PACRGL: variants seen among roughly 807,000 people sequenced by gnomAD.
The protein encoded by PACRGL is parkin coregulated like.
PACRGL carries 38 observed loss-of-function variants against 34.5 expected under a neutral mutation model. The ratio of observed to expected loss-of-function variants is 1.10; its 90% confidence interval spans 0.85 to 1.44. The LOEUF (loss-of-function observed/expected upper bound fraction) is 1.44. PACRGL is among the 40% of genes most tolerant of loss of function. The probability of loss-of-function intolerance (pLI) is 0.00; values close to 1 mark genes in which losing one functional copy is unlikely to be tolerated. For missense variants in PACRGL, 305 were observed against 281.4 expected (o/e 1.08, Z -0.60); for synonymous variants, 128 against 100.1 (o/e 1.28, Z -1.66).
the PACRGL span, among the ~76,000 whole-genome samples, chr4:20,759,298 T>A: frequency 6.6e-6 from 1 of 152,320 alleles, no homozygotes; most frequent in African/African-American, 2.4e-5. Flanking sequence ...AATCTTCGAT[T>A]CAATGGCAGA....
At position 20,729,515 on chromosome 4, in the gene PACRGL, A is replaced by G. The variant is rs1034508159; in HGVS notation, c.*2174A>G. The G allele has an allele frequency of 8.1e-6, 1 of 123,256 alleles. No individual in the cohort carries two copies. Among genetic ancestry groups the G allele is most frequent in the Non-Finnish European group, 1.9e-5 (1 of 53,660 alleles). 7.6% of individuals were successfully genotyped at this position (123,256 alleles called of 1,614,324 possible). ...TAATTTTTAAATGTTTAAAAATGCC[A>G]GATAAAACTAATTTCTAACAGAAGG... On this transcript the variant is annotated 3_prime_UTR_variant, in exon 9 of 9. Coordinates refer to ENST00000503585, the MANE Select transcript of PACRGL (RefSeq NM_001258345.3).
Position 20,718,170 on chromosome 4 carries a change from C to T in PACRGL, c.609+4631C>T, listed in dbSNP as rs945117287. Among the ~76,000 whole-genome samples, 7 of 152,236 alleles carry T rather than the reference C, an allele frequency of 4.6e-5. No individual in the cohort carries two copies. The South Asian group carries it at 6.2e-4, about 14-fold the overall frequency. ...TGTATAAGAATGCTTGTGATTTTTG[C>T]ACATTGATTTTGTATCCTGAGACTT... On this transcript the variant is annotated intron_variant, in intron 7 of 8. Transcript: ENST00000503585.
rs1398207692 is a variant in PACRGL at position 20,732,082 on chromosome 4, A to C, written c.*4741A>C. ...TTTGTCCATTTTCTGTTCAGGAAGA[A>C]AACAAAAATTGTATTTAGACTTATC... On this transcript the variant is annotated 3_prime_UTR_variant, in exon 9 of 9. Coordinates refer to ENST00000503585, the MANE Select transcript of PACRGL (RefSeq NM_001258345.3). The C allele has an allele frequency of 6.4e-7, 1 of 1,551,440 alleles. No individual in the cohort carries two copies. The highest frequency in any genetic ancestry group is 8.7e-7 in the Non-Finnish European group (1 of 1,144,330).
At chr4:20,708,616 C>T (rs1450627382) in intron 4 of PACRGL, among the ~76,000 whole-genome samples, 1 of 152,056 alleles carries the variant, frequency 6.6e-6, no homozygotes, top group Non-Finnish European at 1.5e-5. Context: ...CCCACCCCTC[C>T]AAAACTTATT....
chr4:20,756,926 C>T (rs1003530762), downstream of PACRGL, among the ~76,000 whole-genome samples: 2 of 152,016 alleles, frequency 1.3e-5, no homozygotes, highest in African/African-American at 4.8e-5. Flanking sequence ...CCCCCAGTAA[C>T]CTCATCTACA....
the PACRGL span, chr4:20,758,780 T>C: frequency 6.8e-7 from 1 of 1,477,980 alleles, no homozygotes; most frequent in Admixed American, 1.7e-5. Flanking sequence ...AGCATAATTG[T>C]AACTCTGATA....
At chr4:20,760,312 G>C in the PACRGL span, among the ~76,000 whole-genome samples, 1 of 152,122 alleles carries the variant, frequency 6.6e-6, no homozygotes, top group Non-Finnish European at 1.5e-5. Context: ...CAACAGACCT[G>C]ACTTTAGACA....
downstream of PACRGL, chr4:20,732,564 T>C: frequency 1.4e-6 from 1 of 706,376 alleles, no homozygotes. Context: ...TAAATACTGT[T>C]TTGTTTCAGT....
chr4:20,759,837 C>G, the PACRGL span, among the ~76,000 whole-genome samples: 1 of 151,922 alleles, frequency 6.6e-6, no homozygotes, highest in Non-Finnish European at 1.5e-5. Context: ...ACATGATAGC[C>G]CAGAATTGAA....
At position 20,731,460 on chromosome 4, in the gene PACRGL, C is replaced by T; in HGVS notation, c.*4119C>T. On this transcript the variant is annotated 3_prime_UTR_variant, in exon 9 of 9. Transcript: ENST00000503585. ...CACTGGTTTCTTTGATAACAGGCTACTACCTGGAGTTCTCTTCAGAGAAAA... is the reference window on the plus strand; with the variant it reads ...CACTGGTTTCTTTGATAACAGGCTATTACCTGGAGTTCTCTTCAGAGAAAA... The T allele has an allele frequency of 1.0e-6, 1 of 985,268 alleles. No homozygotes were observed. The highest frequency in any genetic ancestry group is 1.2e-6 in the Non-Finnish European group (1 of 829,810). 61.0% of individuals were successfully genotyped at this position (985,268 alleles called of 1,614,324 possible). A position where few individuals can be genotyped will look rare whatever the true frequency, so the allele number is the denominator to read the frequency against.
intron 7 of PACRGL, among the ~76,000 whole-genome samples, chr4:20,723,557 T>C (rs916640039): frequency 1.3e-5 from 2 of 152,124 alleles, no homozygotes; most frequent in African/African-American, 4.8e-5. Context: ...ACTGGATCCT[T>C]CCTCAAAGTC....
At chr4:20,752,703 G>A (rs1167755107) in exon 9 of PACRGL, 1 of 152,206 alleles carries the variant, frequency 6.6e-6, no homozygotes, top group East Asian at 1.9e-4. Flanking sequence ...CTTGAAGACA[G>A]TGGAAAGTTT....
chr4:20,762,838 T>C, the PACRGL span, among the ~76,000 whole-genome samples: 2 of 152,128 alleles, frequency 1.3e-5, no homozygotes, highest in African/African-American at 4.8e-5. Context: ...GTCTGGGTAA[T>C]TTATAAAGGA....
At chr4:20,734,781 A>G, downstream of PACRGL, 1 of 1,177,486 alleles carries the variant, frequency 8.5e-7, no homozygotes, top group Non-Finnish European at 1.2e-6. Flanking sequence ...TTTTAAAAAA[A>G]CAAAAACAAA....
chr4:20,765,588 T>C, the PACRGL span, among the ~76,000 whole-genome samples: 1 of 152,192 alleles, frequency 6.6e-6, no homozygotes, highest in East Asian at 1.9e-4. Flanking sequence ...GGCTAGATAG[T>C]AATGGGCTGA....
intron 8 of PACRGL, among the ~76,000 whole-genome samples, chr4:20,725,245 C>T (rs1344366684): frequency 6.6e-6 from 1 of 152,064 alleles, no homozygotes; most frequent in Non-Finnish European, 1.5e-5. Flanking sequence ...TAACTTAGCT[C>T]TTTGAGGAAA....
intron 8 of PACRGL, among the ~76,000 whole-genome samples, chr4:20,748,575 T>TGG (rs1237970399): frequency 1.9e-5 from 1 of 53,626 alleles, no homozygotes; most frequent in African/African-American, 7.7e-5. Context: ...TATATATATA[T>TGG]ATATATATAT....
chr4:20,749,401 C>T (rs1046430205), intron 8 of PACRGL, among the ~76,000 whole-genome samples: 6 of 152,140 alleles, frequency 3.9e-5, no homozygotes, highest in Non-Finnish European at 7.3e-5. Flanking sequence ...AACTCATTTG[C>T]CTTCCAGGAC....
At chr4:20,710,902 G>T (rs528274005) in intron 5 of PACRGL, among the ~76,000 whole-genome samples, 1 of 152,048 alleles carries the variant, frequency 6.6e-6, no homozygotes, top group Non-Finnish European at 1.5e-5. Context: ...GGCATTAAAG[G>T]TTAGGCTGGG....
Sources: allele counts gnomAD v4.1 joint callset (sites outside exome capture counted in the v4.1 genomes callset), GRCh38; gene constraint gnomAD v4.1.1; transcripts MANE v1.5; gene names NCBI Gene and HGNC (gene_info 2026-07-23, HGNC 2026-07-21).